Variants in BMP3 observed in about 807,000 individuals in gnomAD.
The protein encoded by BMP3 is bone morphogenetic protein 3.
A neutral mutation model predicts 38.1 loss-of-function variants in BMP3; 23 were observed. The ratio of observed to expected loss-of-function variants is 0.60; its 90% CI spans 0.43 to 0.86. BMP3 has a LOEUF of 0.86. Ranked by LOEUF, BMP3 falls within the 40% of genes least tolerant of loss-of-function variation. The probability of loss-of-function intolerance (pLI) is 0.00; values close to 1 mark genes in which losing one functional copy is unlikely to be tolerated. For synonymous variants in BMP3, 258 were observed against 225.7 expected, an observed-to-expected ratio of 1.14 and a Z score of -1.28; for missense variants, 628 against 579.6, an observed-to-expected ratio of 1.08 and a Z score of -0.86.
At chr4:81,051,028 A>AC (rs1740389039) in intron 2 of BMP3, among the ~76,000 whole-genome samples, 2 of 151,018 alleles carry the variant, frequency 1.3e-5, no homozygotes, top group Admixed American at 6.6e-5. Context: ...GAAAAAAAAA[A>AC]GCAGGGGAAA....
At chr4:81,043,567 C>T (rs1385919757) in intron 1 of BMP3, among the ~76,000 whole-genome samples, 1 of 149,308 alleles carries the variant, frequency 6.7e-6, no homozygotes, top group Non-Finnish European at 1.5e-5. Flanking sequence ...CCTGCTTACC[C>T]AATGCTTATC....
In BMP3 at chr4:81,053,474, A is replaced by C; in HGVS notation, c.1357A>C (p.Asn453His). The C allele has an allele frequency of 6.2e-7, 1 of 1,609,640 alleles. No homozygotes were observed. The highest frequency in any genetic ancestry group is 8.5e-7 in the Non-Finnish European group (1 of 1,178,072). ...ACTCAGTATTTTATTCTTTGATGAA[A>C]ATAAGAATGTAGTGCTTAAAGTATA... is the stretch of plus-strand genomic sequence containing the variant. Reference protein sequence around the residue: ...SSLSILFFDENKNVVLKVYPN... With the variant: ...SSLSILFFDEHKNVVLKVYPN... Residue 453 changes from asparagine (N) to histidine (H), a missense_variant, in exon 3 of 3, where the codon AAT becomes CAT. Coordinates refer to ENST00000282701, the MANE Select transcript of BMP3 (RefSeq NM_001201.5).
intron 1 of BMP3, among the ~76,000 whole-genome samples, chr4:81,033,589 A>G (rs557826761): frequency 6.6e-6 from 1 of 152,272 alleles, no homozygotes; most frequent in South Asian, 2.1e-4. Context: ...GTTTTTGTGG[A>G]AGCTTAAGTG....
Position 81,030,959 on chromosome 4 carries a change from A to C in BMP3, c.-326A>C. On this transcript the variant is annotated 5_prime_UTR_variant, in exon 1 of 3. Coordinates refer to ENST00000282701, the MANE Select transcript of BMP3 (RefSeq NM_001201.5). ...CAAAAATAAAGCGAGGAGGGAAGGT[A>C]CAGACAGATCTTGAAAACACCCGGG... 3.2e-6 allele frequency: 1 copy of C among 316,918 alleles called. No homozygotes were observed. The highest frequency in any genetic ancestry group is 5.8e-6 in the Non-Finnish European group (1 of 171,786). The allele number at this position is 316,918 out of a possible 1,614,324, so 19.6% of individuals were successfully genotyped here.
chr4:81,039,687 A>G (rs949074111), intron 1 of BMP3, among the ~76,000 whole-genome samples: 1 of 152,192 alleles, frequency 6.6e-6, no homozygotes, highest in African/African-American at 2.4e-5. Flanking sequence ...TCCAAAGTCA[A>G]TTGCTAGCTA....
intron 1 of BMP3, among the ~76,000 whole-genome samples, chr4:81,033,535 C>T (rs949280248): frequency 6.6e-6 from 1 of 152,128 alleles, no homozygotes; most frequent in Non-Finnish European, 1.5e-5. Flanking sequence ...CCTTTAGCAT[C>T]CTAGAGACTG....
At chr4:81,043,155 G>C (rs969875056) in intron 1 of BMP3, among the ~76,000 whole-genome samples, 4 of 152,184 alleles carry the variant, frequency 2.6e-5, no homozygotes, top group African/African-American at 9.7e-5. Context: ...ATAATTTCAC[G>C]ATTGCGTGTG....
intron 2 of BMP3, among the ~76,000 whole-genome samples, chr4:81,051,348 T>C (rs1462661356): frequency 6.6e-6 from 1 of 152,154 alleles, no homozygotes; most frequent in Non-Finnish European, 1.5e-5. Flanking sequence ...TTAACAAGCA[T>C]TTGTTCCATG....
chr4:81,035,743 T>C (rs1739905214), intron 1 of BMP3, among the ~76,000 whole-genome samples: 1 of 152,030 alleles, frequency 6.6e-6, no homozygotes, highest in Non-Finnish European at 1.5e-5. Flanking sequence ...TTGCAAGATG[T>C]TAACAGGTAT....
rs747286714 is a variant in BMP3, at chr4:81,053,338, T to G, written c.1228-7T>G. The G allele has an allele frequency of 6.5e-7, 1 of 1,541,294 alleles. No homozygotes were observed. Among genetic ancestry groups the G allele is most frequent in the Non-Finnish European group, 8.7e-7 (1 of 1,148,264 alleles). On this transcript the variant is annotated splice_polypyrimidine_tract_variant and splice_region_variant and intron_variant, in intron 2 of 2. Coordinates refer to ENST00000282701, the MANE Select transcript of BMP3 (RefSeq NM_001201.5). ...CATATGTGTTCTTCTTTCATTTCTT[T>G]CTCTAGTCTTTGAAGCCATCAAATC...
At position 81,053,789 on chromosome 4, in the gene BMP3, C is replaced by A; in HGVS notation, c.*253C>A. 3.8e-6 allele frequency: 1 copy of A among 262,590 alleles called. No individual in the cohort carries two copies. The highest frequency in any genetic ancestry group is 7.1e-6 in the Non-Finnish European group (1 of 140,492). 16.3% of individuals were successfully genotyped at this position (262,590 alleles called of 1,614,324 possible). A position where few individuals can be genotyped will look rare whatever the true frequency, so the allele number is the denominator to read the frequency against. ...ATCTATTTCTCTTTTTGTAATCAAA[C>A]ACAACAACTTATCAAACTGTTTTTA... is the stretch of plus-strand genomic sequence containing the variant. On this transcript the variant is annotated 3_prime_UTR_variant, in exon 3 of 3. Coordinates refer to ENST00000282701, the MANE Select transcript of BMP3 (RefSeq NM_001201.5).
intron 1 of BMP3, among the ~76,000 whole-genome samples, chr4:81,041,381 T>G (rs1740070951): frequency 1.3e-5 from 2 of 152,158 alleles, no homozygotes; most frequent in African/African-American, 4.8e-5. Context: ...AAGGCAAAAA[T>G]AAAGTATGGG....
At chr4:81,050,246 C>T (rs772227577) in intron 2 of BMP3, among the ~76,000 whole-genome samples, 33 of 152,188 alleles carry the variant, frequency 2.2e-4, no homozygotes, top group Non-Finnish European at 4.6e-4. Context: ...ACATCATACA[C>T]GGCTTGGCAG....
chr4:81,056,215 A>T lies in BMP3; in HGVS notation c.*2679A>T, dbSNP rs1056286161. 2.6e-5 allele frequency: 4 copies of T among 152,166 alleles called. No individual in the cohort carries two copies. The highest frequency in any genetic ancestry group is 4.8e-5 in the African/African-American group (2 of 41,444). The allele number at this position is 152,166 out of a possible 1,614,324, so 9.4% of individuals were successfully genotyped here. A position where few individuals can be genotyped will look rare whatever the true frequency, so the allele number is the denominator to read the frequency against. On this transcript the variant is annotated 3_prime_UTR_variant, in exon 3 of 3. Coordinates refer to ENST00000282701, the MANE Select transcript of BMP3 (RefSeq NM_001201.5). ...ATTCATGAAAAGAGAAGCTACAATT[A>T]TAAACTCCATTTGCTAAATCATGCA...
intron 2 of BMP3, among the ~76,000 whole-genome samples, chr4:81,047,711 G>A (rs766916): frequency 0.044 from 6,663 of 152,042 alleles, 486 homozygotes; most frequent in African/African-American, 0.15. Flanking sequence ...CTAAAATAGC[G>A]TTTTCATGTT....
At position 81,030,797 on chromosome 4, in the gene BMP3, C is replaced by A. The variant is rs995593600; in HGVS notation, c.-488C>A. 5.3e-5 allele frequency among the ~76,000 whole-genome samples: 8 copies of A among 152,128 alleles called. No homozygotes were observed. Among genetic ancestry groups the A allele is most frequent in the African/African-American group, 1.9e-4 (8 of 41,438 alleles). On this transcript the variant is annotated 5_prime_UTR_variant, in exon 1 of 3. Coordinates refer to ENST00000282701, the MANE Select transcript of BMP3 (RefSeq NM_001201.5). ...CGTACACTAAAAAACTCGGACCAGCCGCGCCGCAGCTGCTCCAATCCCTGG... is the reference window on the plus strand; with the variant it reads ...CGTACACTAAAAAACTCGGACCAGCAGCGCCGCAGCTGCTCCAATCCCTGG...
At chr4:81,052,863 A>C (rs1740433018) in intron 2 of BMP3, among the ~76,000 whole-genome samples, 1 of 152,110 alleles carries the variant, frequency 6.6e-6, no homozygotes, top group Admixed American at 6.6e-5. Context: ...ATCTCTGTTA[A>C]ATAGAGTGCT....
chr4:81,047,553 A>AAG (rs1480224780), intron 2 of BMP3, among the ~76,000 whole-genome samples: 2 of 151,676 alleles, frequency 1.3e-5, no homozygotes, highest in East Asian at 3.9e-4. Flanking sequence ...TTATACCAAA[A>AAG]AAAAAAAAAG....
At chr4:81,044,067 G>A (rs1172158234) in intron 1 of BMP3, among the ~76,000 whole-genome samples, 4 of 152,160 alleles carry the variant, frequency 2.6e-5, no homozygotes, top group Admixed American at 2.6e-4. Flanking sequence ...GTCTCATTTT[G>A]TGAATGAGAA....
Sources: allele counts gnomAD v4.1 joint callset (sites outside exome capture counted in the v4.1 genomes callset), GRCh38; gene constraint gnomAD v4.1.1; transcripts MANE v1.5; gene names NCBI Gene and HGNC (gene_info 2026-07-23, HGNC 2026-07-21).